The following TMEM181 variants were observed in gnomAD, a reference collection of about 807,000 sequenced individuals.
TMEM181 encodes the protein transmembrane protein 181, also known as G protein-coupled receptor 178.
A neutral mutation model predicts 71.9 loss-of-function variants in TMEM181; 39 were observed. That is an observed-to-expected ratio of 0.54 (90% CI 0.42 to 0.71). The LOEUF (loss-of-function observed/expected upper bound fraction) is 0.71. Among genes scored for constraint, TMEM181 ranks in the 30% least tolerant of loss-of-function variants. TMEM181 has a pLI of 0.00. For synonymous variants in TMEM181, 245 were observed against 228.8 expected, an observed-to-expected ratio of 1.07 and a Z score of -0.64; for missense variants, 595 against 583.0, an observed-to-expected ratio of 1.02 and a Z score of -0.21.
chr6:158,560,513 A>C (rs1782097903), intron 1 of TMEM181, among the ~76,000 whole-genome samples: 1 of 152,172 alleles, frequency 6.6e-6, no homozygotes, highest in African/African-American at 2.4e-5. Context: ...TGCGAGCCAC[A>C]GCGCTCACCG....
intron 1 of TMEM181, among the ~76,000 whole-genome samples, chr6:158,554,857 A>C (rs1035393973): frequency 6.6e-6 from 1 of 152,262 alleles, no homozygotes; most frequent in Admixed American, 6.5e-5. Flanking sequence ...TATTATTGAC[A>C]AAGTTGAAAC....
chr6:158,614,326 AATG>A (rs1278362233), intron 10 of TMEM181, among the ~76,000 whole-genome samples: 1 of 152,240 alleles, frequency 6.6e-6, no homozygotes. Context: ...GCTTCGCCAA[AATG>A]ATGAGTTAAA....
At chr6:158,616,396 G>A (rs549869743) in intron 10 of TMEM181, among the ~76,000 whole-genome samples, 28 of 152,212 alleles carry the variant, frequency 1.8e-4, no homozygotes, top group African/African-American at 6.7e-4. Context: ...TGAGACGATG[G>A]GGTTTTCTAG....
intron 3 of TMEM181, among the ~76,000 whole-genome samples, chr6:158,583,665 T>G (rs1783599822): frequency 1.3e-5 from 2 of 152,114 alleles, no homozygotes; most frequent in Admixed American, 6.5e-5. Flanking sequence ...CTGGACGTGG[T>G]GGCGGGCGCC....
chr6:158,564,997 C>T (rs777098262), intron 1 of TMEM181, among the ~76,000 whole-genome samples: 3 of 152,198 alleles, frequency 2.0e-5, no homozygotes, highest in Admixed American at 6.5e-5. Context: ...ACCCGCCTAC[C>T]GTCGTGGTGG....
rs922531658 is a variant in TMEM181, at chr6:158,633,834, T to A, written c.*1946T>A. The A allele has an allele frequency of 6.6e-6, 1 of 152,150 alleles. No individual in the cohort carries two copies. The highest frequency in any genetic ancestry group is 2.4e-5 in the African/African-American group (1 of 41,460). The allele number at this position is 152,150 out of a possible 1,614,324, so 9.4% of individuals were successfully genotyped here. On this transcript the variant is annotated 3_prime_UTR_variant, in exon 17 of 17. Coordinates refer to ENST00000684151, the MANE Select transcript of TMEM181 (RefSeq NM_001376852.1). ...TTATTCTGTGTATTGAAAAAAATTT[T>A]CTGTTACCAAATTTTACAACTTCTA...
chr6:158,568,864 T>A (rs1256249130), intron 1 of TMEM181, among the ~76,000 whole-genome samples: 1 of 152,214 alleles, frequency 6.6e-6, no homozygotes, highest in Non-Finnish European at 1.5e-5. Flanking sequence ...TACCTTGGCT[T>A]CTCAATGTTT....
At chr6:158,589,933 G>C (rs1784012637) in intron 6 of TMEM181, 151 bp downstream of exon 6, 1 of 625,614 alleles carries the variant, frequency 1.6e-6, no homozygotes, top group Admixed American at 3.0e-5. Flanking sequence ...GAAAACTACA[G>C]TTTCTTAAGT....
chr6:158,571,318 G>C (rs182621800), intron 1 of TMEM181, among the ~76,000 whole-genome samples: 6 of 149,190 alleles, frequency 4.0e-5, no homozygotes, highest in Non-Finnish European at 7.4e-5. Context: ...GGATGGTCTC[G>C]ATCTCCTGAC....
At chr6:158,590,091 T>G (rs982054384) in intron 6 of TMEM181, among the ~76,000 whole-genome samples, 5 of 151,980 alleles carry the variant, frequency 3.3e-5, no homozygotes, top group Non-Finnish European at 7.4e-5. Context: ...CCCCTGTGAG[T>G]GGTCGTCAGT....
intron 1 of TMEM181, chr6:158,572,508 G>T (rs1212845056): frequency 2.4e-5 from 11 of 456,266 alleles, no homozygotes; most frequent in Non-Finnish European, 4.0e-5. Flanking sequence ...GCGGGGGCCG[G>T]CCACACCCCT....
intron 1 of TMEM181, among the ~76,000 whole-genome samples, chr6:158,552,295 C>T (rs1781745182): frequency 6.6e-6 from 1 of 152,116 alleles, no homozygotes; most frequent in African/African-American, 2.4e-5. Flanking sequence ...GATTGCTTTT[C>T]CTTATGGGAA....
chr6:158,570,350 G>A (rs1258645162), intron 1 of TMEM181, among the ~76,000 whole-genome samples: 4 of 150,684 alleles, frequency 2.7e-5, no homozygotes, highest in Admixed American at 6.6e-5. Context: ...CTCCTGCCTC[G>A]GCCTCCCGAG....
chr6:158,571,657 A>C (rs1215820175), intron 1 of TMEM181, among the ~76,000 whole-genome samples: 4 of 152,340 alleles, frequency 2.6e-5, no homozygotes, highest in East Asian at 1.9e-4. Context: ...TAGACTTGAC[A>C]CCTGGGTTAA....
intron 1 of TMEM181, among the ~76,000 whole-genome samples, chr6:158,545,602 G>A (rs1781502499): frequency 6.6e-6 from 1 of 151,918 alleles, no homozygotes; most frequent in East Asian, 1.9e-4. Context: ...TGAAGGAACC[G>A]GACAGAACTT....
intron 1 of TMEM181, among the ~76,000 whole-genome samples, chr6:158,537,080 T>C (rs1226660656): frequency 6.6e-6 from 1 of 151,684 alleles, no homozygotes; most frequent in African/African-American, 2.4e-5. Flanking sequence ...GGCGGGCAGG[T>C]TCCTGGATTC....
At chr6:158,554,051 T>G (rs908307483) in intron 1 of TMEM181, among the ~76,000 whole-genome samples, 4 of 149,390 alleles carry the variant, frequency 2.7e-5, no homozygotes, top group African/African-American at 9.9e-5. Context: ...GGATTACAGG[T>G]GCCAGCCACC....
At chr6:158,624,994 G>A in intron 11 of TMEM181, 110 bp from the exon 12 acceptor site, 1 of 830,078 alleles carries the variant, frequency 1.2e-6, no homozygotes, top group South Asian at 1.4e-5. Context: ...GGGACCTTCA[G>A]GGTTGAAGTC....
At chr6:158,629,335 T>C (rs1275381206) in intron 14 of TMEM181, among the ~76,000 whole-genome samples, 3 of 152,130 alleles carry the variant, frequency 2.0e-5, no homozygotes, top group Non-Finnish European at 4.4e-5. Flanking sequence ...GGTTTGAGAG[T>C]TTGTTTCCAA....
Sources: gnomAD v4.1 joint callset for allele counts (sites outside exome capture counted in the v4.1 genomes callset) on GRCh38, gnomAD v4.1.1 for gene constraint, MANE v1.5 for transcripts, NCBI Gene and HGNC (gene_info 2026-07-23, HGNC 2026-07-21) for gene names.